The following CHST15 variants were observed in gnomAD, a reference collection of about 807,000 sequenced individuals.
CHST15 encodes the protein B cell RAG associated protein (GALNAC4S-6ST).
Under a neutral mutation model 53.6 loss-of-function variants are expected in CHST15, and 30 were observed. The ratio of observed to expected loss-of-function variants is 0.56; its 90% confidence interval spans 0.42 to 0.76. The LOEUF (loss-of-function observed/expected upper bound fraction) is 0.76. Ranked by LOEUF, CHST15 falls within the 30% of genes least tolerant of loss-of-function variation. The pLI is 0.00. For synonymous variants in CHST15, 296 were observed against 289.8 expected (o/e 1.02, Z -0.22); for missense variants, 627 against 740.5 (o/e 0.85, Z 1.78).
At chr10:124,072,748 C>T (rs1423553495) in intron 1 of CHST15, among the ~76,000 whole-genome samples, 2 of 152,160 alleles carry the variant, frequency 1.3e-5, no homozygotes, top group African/African-American at 4.8e-5. Flanking sequence ...ACCAACCAAC[C>T]CCATCCGCAA....
In CHST15 at chr10:124,009,058, G is replaced by A. The variant is rs1239893218; in HGVS notation, c.*1091C>T. 35 of 1,286,462 alleles carry A rather than the reference G, an allele frequency of 2.7e-5. No homozygotes were observed. The highest frequency in any genetic ancestry group is 3.2e-5 in the Non-Finnish European group (32 of 986,482). The allele number at this position is 1,286,462 out of a possible 1,614,324, so 79.7% of individuals were successfully genotyped here. Reference sequence around the variant, plus strand: ...ACGAGTATCTATAGTCCCTTGCTGGGTGAGGAACTTTGACCACACGCAGTG... The same window carrying A: ...ACGAGTATCTATAGTCCCTTGCTGGATGAGGAACTTTGACCACACGCAGTG... On this transcript the variant is annotated 3_prime_UTR_variant, in exon 8 of 8. Coordinates refer to ENST00000435907, the MANE Select transcript of CHST15 (RefSeq NM_001270764.2).
rs200947102 is a variant in CHST15 at position 124,007,988 on chromosome 10, G to A, written c.*2161C>T. 1 of 1,007,636 alleles carries A rather than the reference G, an allele frequency of 9.9e-7. No homozygotes were observed. Among genetic ancestry groups the A allele is most frequent in the Non-Finnish European group, 1.3e-6 (1 of 792,742 alleles). The allele number at this position is 1,007,636 out of a possible 1,614,324, so 62.4% of individuals were successfully genotyped here. ...AGGCAGCCGAAGTGCCCTCTGGAGA[G>A]AAAGGCCCCTGGAGGGAAAAACCAT... On this transcript the variant is annotated 3_prime_UTR_variant, in exon 8 of 8. Coordinates refer to ENST00000435907, the MANE Select transcript of CHST15 (RefSeq NM_001270764.2).
In CHST15 at chr10:124,009,199, G is replaced by C; in HGVS notation, c.*950C>G. 1.7e-6 allele frequency: 2 copies of C among 1,144,184 alleles called. No homozygotes were observed. The highest frequency in any genetic ancestry group is 2.2e-6 in the Non-Finnish European group (2 of 913,122). The allele number at this position is 1,144,184 out of a possible 1,614,324, so 70.9% of individuals were successfully genotyped here. A position where few individuals can be genotyped will look rare whatever the true frequency, so the allele number is the denominator to read the frequency against. On this transcript the variant is annotated 3_prime_UTR_variant, in exon 8 of 8. Coordinates refer to ENST00000435907, the MANE Select transcript of CHST15 (RefSeq NM_001270764.2). The stretch of plus-strand genomic sequence containing the variant: ...CTGATGATCTTGTAAACCTGATGAG[G>C]GCTTGAATTACCTAGATTTTCCAAG...
intron 5 of CHST15, among the ~76,000 whole-genome samples, chr10:124,033,043 C>G (rs1425135146): frequency 6.6e-6 from 1 of 152,188 alleles, no homozygotes; most frequent in African/African-American, 2.4e-5. Context: ...CCCAAAATCT[C>G]CTGCTTCCAG....
intron 7 of CHST15, chr10:124,011,868 C>G: frequency 1.0e-6 from 1 of 985,178 alleles, no homozygotes; most frequent in Non-Finnish European, 1.2e-6. Context: ...CTCTAAGCCC[C>G]AAGTCCTCTG....
At chr10:124,091,460 A>G (rs1393446582) in intron 1 of CHST15, among the ~76,000 whole-genome samples, 1 of 152,136 alleles carries the variant, frequency 6.6e-6, no homozygotes, top group African/African-American at 2.4e-5. Context: ...GGGGGTGCAG[A>G]TGCCCTCCGA....
chr10:124,014,691 T>C (rs892685849), intron 6 of CHST15, among the ~76,000 whole-genome samples: 6 of 151,814 alleles, frequency 4.0e-5, no homozygotes, highest in African/African-American at 1.5e-4. Context: ...TCTGATGAGG[T>C]TTTTCTTTTC....
At chr10:124,089,627 G>A (rs1033236959) in intron 1 of CHST15, among the ~76,000 whole-genome samples, 1 of 152,128 alleles carries the variant, frequency 6.6e-6, no homozygotes, top group Non-Finnish European at 1.5e-5. Context: ...TGTTCAGGGG[G>A]TGGGTGCCTC....
At chr10:124,091,749 C>T (rs1430160076) in intron 1 of CHST15, among the ~76,000 whole-genome samples, 1 of 151,866 alleles carries the variant, frequency 6.6e-6, no homozygotes, top group African/African-American at 2.4e-5. Context: ...CGCAGGCAGA[C>T]GAAGAAGGGC....
intron 1 of CHST15, among the ~76,000 whole-genome samples, chr10:124,083,993 A>G (rs1056981701): frequency 3.3e-5 from 5 of 152,212 alleles, no homozygotes; most frequent in African/African-American, 4.8e-5. Flanking sequence ...CACGGTTTCT[A>G]AGCCCACACA....
At chr10:124,014,290 G>A (rs1353918611) in intron 6 of CHST15, among the ~76,000 whole-genome samples, 1 of 152,222 alleles carries the variant, frequency 6.6e-6, no homozygotes, top group Non-Finnish European at 1.5e-5. Flanking sequence ...TGCAACTGCT[G>A]AATACAGTGC....
chr10:124,038,429 C>G, intron 5 of CHST15, 86 bp downstream of exon 5: 1 of 1,503,346 alleles, frequency 6.7e-7, no homozygotes, highest in East Asian at 2.3e-5. Context: ...CTAAAGGAGA[C>G]AAAATCTTAT....
chr10:124,083,064 TTG>T (rs1313266535), intron 1 of CHST15, among the ~76,000 whole-genome samples: 2 of 152,220 alleles, frequency 1.3e-5, no homozygotes, highest in Non-Finnish European at 2.9e-5. Context: ...ATTGTATACT[TTG>T]GGTGAATTTT....
chr10:124,059,041 G>C (rs185192998), intron 1 of CHST15, among the ~76,000 whole-genome samples: 2 of 152,150 alleles, frequency 1.3e-5, no homozygotes, highest in East Asian at 3.8e-4. Context: ...ACAGGACAGC[G>C]AGCTGGCCTA....
At position 124,019,158 on chromosome 10, in the gene CHST15, G is replaced by A. The variant is rs539109607; in HGVS notation, c.1347+2098C>T. Among the ~76,000 whole-genome samples the A allele has an allele frequency of 6.6e-6, 1 of 152,188 alleles. No individual in the cohort carries two copies. The highest frequency in any genetic ancestry group is 2.4e-5 in the African/African-American group (1 of 41,444). ...CTGGCCTGAGTCACAGCTGCAACTT[G>A]ATTCGTGTCTGTCAGCACACTGGGC... is the stretch of plus-strand genomic sequence containing the variant. On this transcript the variant is annotated intron_variant, in intron 6 of 7. Coordinates refer to ENST00000435907, the MANE Select transcript of CHST15 (RefSeq NM_001270764.2). This position sits in a 1 kb window ranked among gnomAD's most constrained non-coding sequence, Gnocchi z 4.6.
At chr10:124,091,576 C>A (rs1410791181) in intron 1 of CHST15, among the ~76,000 whole-genome samples, 1 of 152,250 alleles carries the variant, frequency 6.6e-6, no homozygotes, top group Non-Finnish European at 1.5e-5. Context: ...TGCTAGGGCG[C>A]CCAGAGGCAA....
Position 124,024,235 on chromosome 10 carries a change from C to T in CHST15, c.1191-2823G>A, listed in dbSNP as rs1048709337. Among the ~76,000 whole-genome samples, 6 of 152,184 alleles carry T rather than the reference C, an allele frequency of 3.9e-5. No individual in the cohort carries two copies. The highest frequency in any genetic ancestry group is 1.2e-4 in the African/African-American group (5 of 41,436). On this transcript the variant is annotated intron_variant, in intron 5 of 7. Transcript: ENST00000435907. This position sits in a 1 kb window ranked among gnomAD's most constrained non-coding sequence, Gnocchi z 4.0. ...CTTATAGCAGGGTCTGTTGCAAATG[C>T]GCCTTCTCCACTGCCCTCCCCTCTA...
chr10:124,059,339 G>A (rs1674426878), intron 1 of CHST15, among the ~76,000 whole-genome samples: 1 of 152,182 alleles, frequency 6.6e-6, no homozygotes, highest in African/African-American at 2.4e-5. Context: ...GGTCATTCTG[G>A]CTGTGGTGTA....
chr10:124,021,245 G>GGGC lies in CHST15; in HGVS notation c.1347+10_1347+11insGCC, dbSNP rs1564854323. On this transcript the variant is annotated intron_variant, in intron 6 of 7. Coordinates refer to ENST00000435907, the MANE Select transcript of CHST15 (RefSeq NM_001270764.2). ...GCCAGCTCGGGGGGTACGGGGGGGG[G>GGGC]GGGTACACACAGGCATGGCGTTGTT... The GGGC allele has an allele frequency of 1.9e-6, 3 of 1,568,868 alleles. No homozygotes were observed. The highest frequency in any genetic ancestry group is 1.7e-5 in the Admixed American group (1 of 58,142).
Sources: allele counts gnomAD v4.1 joint callset (sites outside exome capture counted in the v4.1 genomes callset), GRCh38; gene constraint gnomAD v4.1.1; non-coding constraint Gnocchi (gnomAD v3.1); transcripts MANE v1.5; gene names NCBI Gene and HGNC (gene_info 2026-07-23, HGNC 2026-07-21).